Variants in DACH1 observed in about 807,000 individuals in gnomAD.
The protein encoded by DACH1 is dachshund family transcription factor 1.
A neutral mutation model predicts 54.2 loss-of-function variants in DACH1; 12 were observed. The observed-to-expected ratio is 0.22, with a 90% confidence interval of 0.14 to 0.36. The LOEUF (loss-of-function observed/expected upper bound fraction) is 0.36. Ranked by LOEUF, DACH1 falls within the 10% of genes least tolerant of loss-of-function variation. The pLI is 1.00. For missense variants in DACH1, 805 were observed against 929.8 expected, an observed-to-expected ratio of 0.87 and a Z score of 1.75; for synonymous variants, 386 against 366.2, an observed-to-expected ratio of 1.05 and a Z score of -0.62.
intron 6 of DACH1, among the ~76,000 whole-genome samples, chr13:71,539,132 CAAGA>C (rs1882982787): frequency 6.6e-6 from 1 of 151,896 alleles, no homozygotes; most frequent in Admixed American, 6.6e-5. Flanking sequence ...TGTTAAGAGG[CAAGA>C]AATAGTGAAA....
chr13:71,557,148 C>G lies in DACH1; in HGVS notation c.1446G>C (p.Gln482His). 1.2e-6 allele frequency: 2 copies of G among 1,605,812 alleles called. No individual in the cohort carries two copies. Among genetic ancestry groups the G allele is most frequent in the East Asian group, 2.3e-5 (1 of 44,396 alleles). The change falls in exon 6 of 11, where the codon CAG becomes CAC. Residue 482 changes from glutamine to histidine, a missense_variant. This residue lies in a region of DACH1 where 472 missense variants were observed against 545.3 expected (regional missense o/e 0.87). Coordinates refer to ENST00000613252, the MANE Select transcript of DACH1 (RefSeq NM_080759.6). The part of the protein sequence containing the change: ...ESSSDRIPVH[Q>H]NGLSMNQMLM... ...GCATCTGGTTCATGGACAACCCATT[C>G]TGATGGACCGCTATTATGGCCCAAA...
intron 1 of DACH1, among the ~76,000 whole-genome samples, chr13:71,762,578 C>A (rs1306727728): frequency 6.6e-6 from 1 of 151,796 alleles, no homozygotes; most frequent in Non-Finnish European, 1.5e-5. Context: ...ACCAGCCTGA[C>A]CAACATGGAG....
At chr13:71,796,859 G>C (rs117423869) in intron 1 of DACH1, among the ~76,000 whole-genome samples, 1 of 151,994 alleles carries the variant, frequency 6.6e-6, no homozygotes, top group East Asian at 1.9e-4. Flanking sequence ...CGGACACTTA[G>C]GGTTAGGAAA....
intron 1 of DACH1, among the ~76,000 whole-genome samples, chr13:71,820,737 A>T (rs1167596575): frequency 6.6e-6 from 1 of 152,234 alleles, no homozygotes; most frequent in Non-Finnish European, 1.5e-5. Flanking sequence ...CTTTTGTAAT[A>T]AACCACTTTC....
chr13:71,560,038 A>C lies in DACH1; in HGVS notation c.1300-83T>G, dbSNP rs967847730. 3 of 1,358,598 alleles carry C rather than the reference A, an allele frequency of 2.2e-6. No individual in the cohort carries two copies. In the African/African-American group the frequency reaches 4.5e-5, roughly 20 times the overall value. The allele number at this position is 1,358,598 out of a possible 1,614,324, so 84.2% of individuals were successfully genotyped here. ...ACTTAATGAATGTTGTTTTTTCTCA[A>C]TACAATAAGAAATGTAAAGAGAATA... On this transcript the variant is annotated intron_variant, in intron 4 of 10. Coordinates refer to ENST00000613252, the MANE Select transcript of DACH1 (RefSeq NM_080759.6).
At chr13:71,646,193 C>T (rs1388766503) in intron 2 of DACH1, among the ~76,000 whole-genome samples, 2 of 151,816 alleles carry the variant, frequency 1.3e-5, no homozygotes, top group Non-Finnish European at 2.9e-5. Flanking sequence ...AAAAATTAGC[C>T]AGGCATGGTG....
intron 2 of DACH1, among the ~76,000 whole-genome samples, chr13:71,663,178 A>G (rs1879620548): frequency 6.8e-6 from 1 of 146,960 alleles, no homozygotes; most frequent in Non-Finnish European, 1.5e-5. Context: ...GTGTGTGTGT[A>G]ACTTCTCCAA....
At chr13:71,828,981 A>G (rs1888484959) in intron 1 of DACH1, among the ~76,000 whole-genome samples, 1 of 152,032 alleles carries the variant, frequency 6.6e-6, no homozygotes, top group Admixed American at 6.6e-5. Flanking sequence ...TCTGAAGACC[A>G]GTAGTTTTCT....
chr13:71,803,375 G>A (rs1032371401), intron 1 of DACH1, among the ~76,000 whole-genome samples: 2 of 152,028 alleles, frequency 1.3e-5, no homozygotes, highest in African/African-American at 4.8e-5. Flanking sequence ...GTTTAACTAG[G>A]ATAGTTACTA....
At chr13:71,527,148 A>C (rs1882027782) in intron 6 of DACH1, among the ~76,000 whole-genome samples, 1 of 151,994 alleles carries the variant, frequency 6.6e-6, no homozygotes, top group East Asian at 1.9e-4. Flanking sequence ...GATCAATTTA[A>C]TATTATTTCA....
At position 71,623,624 on chromosome 13, in the gene DACH1, T is replaced by C. The variant is rs180739029; in HGVS notation, c.1126+6932A>G. On this transcript the variant is annotated intron_variant, in intron 3 of 10. Transcript: ENST00000613252. ...TCTGATTTTTTATTTTAAAAATTAC[T>C]GTCAAAAATATCTTTTTGCCCTTTA... 6.6e-5 allele frequency among the ~76,000 whole-genome samples: 10 copies of C among 151,962 alleles called. No individual in the cohort carries two copies. In the East Asian group the frequency reaches 1.2e-3, roughly 18 times the overall value.
chr13:71,679,985 A>C (rs2138698324), intron 2 of DACH1, among the ~76,000 whole-genome samples: 1 of 151,124 alleles, frequency 6.6e-6, no homozygotes, highest in Admixed American at 6.6e-5. Context: ...TAAGATTTTC[A>C]TATGTAGTAT....
chr13:71,713,123 G>T (rs1030316410), intron 1 of DACH1, among the ~76,000 whole-genome samples: 2 of 149,952 alleles, frequency 1.3e-5, no homozygotes, highest in Non-Finnish European at 1.5e-5. Flanking sequence ...TTGTAACCAT[G>T]GTAAAACAAT....
chr13:71,789,395 G>A (rs112385957), intron 1 of DACH1, among the ~76,000 whole-genome samples: 2 of 152,072 alleles, frequency 1.3e-5, no homozygotes, highest in Non-Finnish European at 2.9e-5. Flanking sequence ...TTAATCTTAA[G>A]TTGGAAAAGT....
Position 71,866,209 on chromosome 13 carries a change from C to T in DACH1, c.561G>A (p.Glu187=). 6 of 1,612,814 alleles carry T rather than the reference C, an allele frequency of 3.7e-6. No individual in the cohort carries two copies. The highest frequency in any genetic ancestry group is 5.1e-6 in the Non-Finnish European group (6 of 1,179,430). Residue 187 remains glutamate, a synonymous_variant, in exon 1 of 11, where the codon GAG becomes GAA. Coordinates refer to ENST00000613252, the MANE Select transcript of DACH1 (RefSeq NM_080759.6). ...CCCCCCTCAGATCCACCATTTTGCA[C>T]TCATTATTCTGAGGGGTGTTTTCCA... is the stretch of plus-strand genomic sequence containing the variant. ...SPVENTPQNN[E]CKMVDLRGAK...
chr13:71,600,956 C>A (rs769139285), intron 3 of DACH1, among the ~76,000 whole-genome samples: 1 of 149,496 alleles, frequency 6.7e-6, no homozygotes. Flanking sequence ...TTTTTTTAAT[C>A]TCTCCAGAAG....
intron 3 of DACH1, among the ~76,000 whole-genome samples, chr13:71,594,112 A>G (rs1357794447): frequency 6.6e-6 from 1 of 151,388 alleles, no homozygotes; most frequent in Non-Finnish European, 1.5e-5. Flanking sequence ...TAAACATTGA[A>G]CTTATTTTCA....
chr13:71,516,959 A>G (rs144965126), intron 6 of DACH1, among the ~76,000 whole-genome samples: 2 of 151,470 alleles, frequency 1.3e-5, no homozygotes, highest in Non-Finnish European at 3.0e-5. Flanking sequence ...TTGAGACTTA[A>G]GAGCCATTAT....
At position 71,602,640 on chromosome 13, in the gene DACH1, T is replaced by C. The variant is rs965597028; in HGVS notation, c.1126+27916A>G. On this transcript the variant is annotated intron_variant, in intron 3 of 10. Coordinates refer to ENST00000613252, the MANE Select transcript of DACH1 (RefSeq NM_080759.6). ...TAAAAGTCCTCATGCTTAATGTGCATCTAGTAAAACACTGAGCAGAGTCGT... is the reference window on the plus strand; with the variant it reads ...TAAAAGTCCTCATGCTTAATGTGCACCTAGTAAAACACTGAGCAGAGTCGT... Among the ~76,000 whole-genome samples the C allele has an allele frequency of 2.0e-5, 3 of 152,120 alleles. No homozygotes were observed. The South Asian group carries it at 6.2e-4, about 31-fold the overall frequency.
Sources: allele counts gnomAD v4.1 joint callset (sites outside exome capture counted in the v4.1 genomes callset), GRCh38; gene constraint gnomAD v4.1.1; regional missense constraint gnomAD v4.1.1; transcripts MANE v1.5; gene names NCBI Gene and HGNC (gene_info 2026-07-23, HGNC 2026-07-21).